CSMD1: variants seen among roughly 807,000 people sequenced by gnomAD.
The protein encoded by CSMD1 is CUB and Sushi multiple domains 1, also known as CUB and sushi domain-containing protein 1.
CSMD1 carries 213 observed loss-of-function variants against 417.5 expected under a neutral mutation model. The ratio of observed to expected loss-of-function variants is 0.51; its 90% CI spans 0.46 to 0.57. The LOEUF (loss-of-function observed/expected upper bound fraction) is 0.57, where lower values mean the gene tolerates loss of function less well. Ranked by LOEUF, CSMD1 falls within the 20% of genes least tolerant of loss-of-function variation. CSMD1 has a pLI of 0.00. For missense variants in CSMD1, 6,923 were observed against 4,529.7 expected (o/e 1.53, Z -15.17); for synonymous variants, 2,862 against 1,736.8 (o/e 1.65, Z -16.11).
intron 4 of CSMD1, among the ~76,000 whole-genome samples, chr8:4,022,024 G>C (rs1250078496): frequency 1.3e-5 from 2 of 151,512 alleles, no homozygotes; most frequent in Non-Finnish European, 2.9e-5. Context: ...ACACTGGAAA[G>C]TCCAGGTGCC....
intron 7 of CSMD1, among the ~76,000 whole-genome samples, chr8:3,676,156 A>G (rs1303220951): frequency 6.6e-6 from 1 of 152,122 alleles, no homozygotes; most frequent in Non-Finnish European, 1.5e-5. Flanking sequence ...TAAATTGTTT[A>G]TTTTCTTCTG....
At chr8:4,637,657 T>TTTTTTTTTTTTTC (rs1802911802) in intron 1 of CSMD1, 99 bp from the exon 2 acceptor site, 1 of 343,514 alleles carries the variant, frequency 2.9e-6, no homozygotes, top group Non-Finnish European at 4.6e-6. Flanking sequence ...TTTTTTTTTT[T>TTTTTTTTTTTTTC]TTTTTTTTTT....
chr8:3,226,292 G>T (rs781150718), intron 27 of CSMD1, among the ~76,000 whole-genome samples: 2 of 152,086 alleles, frequency 1.3e-5, no homozygotes, highest in Non-Finnish European at 2.9e-5. Context: ...CTCGGAATAA[G>T]GAAGTTGAAG....
chr8:4,210,809 G>T (rs1444689638), intron 3 of CSMD1, among the ~76,000 whole-genome samples: 1 of 152,078 alleles, frequency 6.6e-6, no homozygotes, highest in Non-Finnish European at 1.5e-5. Context: ...AAGGTCTCAA[G>T]ACTATCAGTC....
chr8:4,909,590 C>A (rs1003442770), intron 1 of CSMD1, among the ~76,000 whole-genome samples: 2 of 152,046 alleles, frequency 1.3e-5, no homozygotes, highest in Admixed American at 1.3e-4. Context: ...AAGGGATATT[C>A]CTGGAATTTT....
At chr8:4,480,967 G>A (rs909251924) in intron 2 of CSMD1, among the ~76,000 whole-genome samples, 1 of 152,128 alleles carries the variant, frequency 6.6e-6, no homozygotes, top group Non-Finnish European at 1.5e-5. Flanking sequence ...TCTTCCCCAG[G>A]TGATTCTTTG....
chr8:2,970,590 T>C (rs59312982), intron 57 of CSMD1, among the ~76,000 whole-genome samples: 6,854 of 152,308 alleles, frequency 0.045, 524 homozygotes, highest in African/African-American at 0.16. Flanking sequence ...ATTGAGGAAA[T>C]ATTTTAAATT....
intron 1 of CSMD1, among the ~76,000 whole-genome samples, chr8:4,699,335 AG>A (rs1193570925): frequency 6.6e-6 from 1 of 152,184 alleles, no homozygotes; most frequent in Non-Finnish European, 1.5e-5. Flanking sequence ...ATACTGCATA[AG>A]AAAATTGTTT....
chr8:4,369,938 C>T (rs1221632752), intron 3 of CSMD1, among the ~76,000 whole-genome samples: 1 of 152,122 alleles, frequency 6.6e-6, no homozygotes, highest in Admixed American at 6.6e-5. Context: ...AGACATTTAA[C>T]CCATTTACAT....
chr8:4,969,462 T>C (rs1810101618), intron 1 of CSMD1, among the ~76,000 whole-genome samples: 1 of 151,614 alleles, frequency 6.6e-6, no homozygotes, highest in Non-Finnish European at 1.5e-5. Flanking sequence ...ATCTTTCTAT[T>C]CATATTCATT....
At chr8:4,241,433 T>G (rs533121263) in intron 3 of CSMD1, among the ~76,000 whole-genome samples, 1 of 152,302 alleles carries the variant, frequency 6.6e-6, no homozygotes, top group East Asian at 1.9e-4. Context: ...TCATAGCACT[T>G]TATTATCTCA....
intron 1 of CSMD1, among the ~76,000 whole-genome samples, chr8:4,852,169 C>A (rs1801519601): frequency 1.3e-5 from 2 of 152,254 alleles, no homozygotes; most frequent in African/African-American, 4.8e-5. Flanking sequence ...CTATTTTTGC[C>A]AGCATTGTTC....
At chr8:4,139,262 T>C (rs537570212) in intron 3 of CSMD1, among the ~76,000 whole-genome samples, 1 of 152,336 alleles carries the variant, frequency 6.6e-6, no homozygotes, top group South Asian at 2.1e-4. Context: ...TATGCATCAG[T>C]GTAAAGTGTT....
chr8:3,524,560 C>G (rs1456618536), intron 10 of CSMD1, among the ~76,000 whole-genome samples: 1 of 151,068 alleles, frequency 6.6e-6, no homozygotes, highest in Non-Finnish European at 1.5e-5. Flanking sequence ...TGCACACACA[C>G]ATGCATACCC....
intron 36 of CSMD1, among the ~76,000 whole-genome samples, chr8:3,184,818 A>T (rs1338263294): frequency 6.6e-6 from 1 of 152,064 alleles, no homozygotes; most frequent in Non-Finnish European, 1.5e-5. Context: ...ACTTCACATA[A>T]GCTCATTCTC....
intron 3 of CSMD1, among the ~76,000 whole-genome samples, chr8:4,040,319 T>G (rs548928697): frequency 6.6e-6 from 1 of 152,178 alleles, no homozygotes; most frequent in South Asian, 2.1e-4. Flanking sequence ...CGTTTATATA[T>G]ATTGAGTATG....
At chr8:3,949,117 T>C (rs568889944) in intron 5 of CSMD1, among the ~76,000 whole-genome samples, 3 of 152,352 alleles carry the variant, frequency 2.0e-5, no homozygotes, top group Middle Eastern at 3.4e-3. Context: ...TGCGATATAA[T>C]ATTTTAAAAT....
chr8:4,923,253 T>C (rs1377752069), intron 1 of CSMD1, among the ~76,000 whole-genome samples: 1 of 152,218 alleles, frequency 6.6e-6, no homozygotes, highest in East Asian at 1.9e-4. Context: ...TGTCCTTTCT[T>C]CTACCCTTCA....
chr8:3,982,032 G>T (rs958344019), intron 5 of CSMD1, among the ~76,000 whole-genome samples: 1 of 151,798 alleles, frequency 6.6e-6, no homozygotes, highest in African/African-American at 2.4e-5. Context: ...TTAGCCTGGC[G>T]CGGTGACGGT....
Sources: gnomAD v4.1 joint callset for allele counts (sites outside exome capture counted in the v4.1 genomes callset) on GRCh38, gnomAD v4.1.1 for gene constraint, MANE v1.5 for transcripts, NCBI Gene and HGNC (gene_info 2026-07-23, HGNC 2026-07-21) for gene names.